The following SPTB variants were observed in gnomAD, a reference collection of about 807,000 sequenced individuals.
SPTB encodes spectrin beta, erythrocytic.
Under a neutral mutation model 256.2 loss-of-function variants are expected in SPTB, and 45 were observed. The observed-to-expected ratio is 0.18, with a 90% CI of 0.14 to 0.23. The LOEUF is 0.23. Ranked by LOEUF, SPTB falls within the 10% of genes least tolerant of loss-of-function variation. The pLI is 1.00. For synonymous variants in SPTB, 1,231 were observed against 1,243.1 expected (o/e 0.99, Z 0.21); for missense variants, 2,715 against 3,040.4 (o/e 0.89, Z 2.52).
chr14:64,801,618 C>T (rs1409265126), intron 6 of SPTB, 136 bp downstream of exon 6: 2 of 988,908 alleles, frequency 2.0e-6, no homozygotes, highest in East Asian at 2.4e-5. Flanking sequence ...AGTGAAGGTG[C>T]TATGGGCTGC....
chr14:64,750,231 TA>T (rs1353241331), intron 33 of SPTB, 77 bp from the exon 34 acceptor site: 61 of 1,429,958 alleles, frequency 4.3e-5, no homozygotes, highest in Admixed American at 9.3e-5. Flanking sequence ...GCTTCACCAT[TA>T]AAAAAAATTA....
At position 64,752,308 on chromosome 14, in the gene SPTB, C is replaced by T. The variant is rs781505891; in HGVS notation, c.6602+1229G>A. 8 of 1,275,324 alleles carry T rather than the reference C, an allele frequency of 6.3e-6. No homozygotes were observed. In the South Asian group the frequency reaches 9.8e-5, roughly 16 times the overall value. 79.0% of individuals were successfully genotyped at this position (1,275,324 alleles called of 1,614,324 possible). A position where few individuals can be genotyped will look rare whatever the true frequency, so the allele number is the denominator to read the frequency against. On this transcript the variant is annotated intron_variant, in intron 33 of 35. Coordinates refer to ENST00000644917, the MANE Select transcript of SPTB (RefSeq NM_001355436.2). ...GTCTCCCTCCTCTCCTCTCCCTCTTCTCCCTTACTTTTGAGGGCAGGAAGG... is the reference window on the plus strand; with the variant it reads ...GTCTCCCTCCTCTCCTCTCCCTCTTTTCCCTTACTTTTGAGGGCAGGAAGG...
chr14:64,850,458 C>T (rs1052269340), intron 1 of SPTB, among the ~76,000 whole-genome samples: 1 of 152,238 alleles, frequency 6.6e-6, no homozygotes, highest in Non-Finnish European at 1.5e-5. Flanking sequence ...CCTCCCATTA[C>T]ATCCAGACAG....
chr14:64,803,062 G>A (rs1015778354), intron 4 of SPTB, among the ~76,000 whole-genome samples: 14 of 152,164 alleles, frequency 9.2e-5, no homozygotes, highest in Non-Finnish European at 2.1e-4. Flanking sequence ...TAGTCCGCGA[G>A]TTGTATGCTC....
intron 1 of SPTB, among the ~76,000 whole-genome samples, chr14:64,831,703 G>T (rs1227274515): frequency 6.6e-6 from 1 of 152,220 alleles, no homozygotes; most frequent in Non-Finnish European, 1.5e-5. Flanking sequence ...GTTTACTGAG[G>T]CATTGATTGT....
Position 64,802,157 on chromosome 14 carries a change from A to G in SPTB, c.566+69T>C, listed in dbSNP as rs2082898863. On this transcript the variant is annotated intron_variant, in intron 5 of 35. Coordinates refer to ENST00000644917, the MANE Select transcript of SPTB (RefSeq NM_001355436.2). This position sits in a 1 kb window ranked among gnomAD's most constrained non-coding sequence, Gnocchi z 5.1. ...GTGATGATGTCTAATGTCCCTCTGG[A>G]GATGGCAGTGCTTGTGCGGAGCAAG... is the stretch of plus-strand genomic sequence containing the variant. 1 of 1,414,452 alleles carries G rather than the reference A, an allele frequency of 7.1e-7. No homozygotes were observed. Among genetic ancestry groups the G allele is most frequent in the Non-Finnish European group, 1.0e-6 (1 of 1,000,434 alleles). 87.6% of individuals were successfully genotyped at this position (1,414,452 alleles called of 1,614,324 possible). A position where few individuals can be genotyped will look rare whatever the true frequency, so the allele number is the denominator to read the frequency against.
chr14:64,784,220 C>T (rs569091660), intron 19 of SPTB, 27 bp downstream of exon 19: 5 of 1,613,830 alleles, frequency 3.1e-6, no homozygotes, highest in East Asian at 4.5e-5. Flanking sequence ...GCAGAGCACC[C>T]ACCCGCCGCC....
At chr14:64,765,162 G>T (rs1220373545) in intron 32 of SPTB, among the ~76,000 whole-genome samples, 3 of 152,072 alleles carry the variant, frequency 2.0e-5, no homozygotes, top group Non-Finnish European at 4.4e-5. Context: ...GGTGTGACTG[G>T]TGTACCAGAA....
Position 64,759,181 on chromosome 14 carries a change from T to G in SPTB, c.6346-5388A>C, listed in dbSNP as rs941834244. ...CAAGAATCCATGGCCCTGCTTCCTATCCACACAATGCCTCTGAAATCGGAA... is the reference window on the plus strand; with the variant it reads ...CAAGAATCCATGGCCCTGCTTCCTAGCCACACAATGCCTCTGAAATCGGAA... On this transcript the variant is annotated intron_variant, in intron 32 of 35. Transcript: ENST00000644917. The surrounding 1 kb of genome is among the most constrained non-coding windows in gnomAD (Gnocchi z 4.8). 2.0e-5 allele frequency among the ~76,000 whole-genome samples: 3 copies of G among 152,134 alleles called. No homozygotes were observed. The highest frequency in any genetic ancestry group is 4.4e-5 in the Non-Finnish European group (3 of 68,030).
chr14:64,854,842 C>T (rs1027853852), intron 1 of SPTB, among the ~76,000 whole-genome samples: 4 of 152,138 alleles, frequency 2.6e-5, no homozygotes, highest in African/African-American at 9.7e-5. Flanking sequence ...TCCTGGTGAA[C>T]AAAGTAGTAG....
chr14:64,838,377 A>G (rs2083557260), intron 1 of SPTB, among the ~76,000 whole-genome samples: 2 of 152,254 alleles, frequency 1.3e-5, no homozygotes, highest in Admixed American at 1.3e-4. Context: ...CACTAAAAGT[A>G]TAATCCATAA....
At chr14:64,783,783 G>T (rs2082514206) in intron 19 of SPTB, among the ~76,000 whole-genome samples, 1 of 152,116 alleles carries the variant, frequency 6.6e-6, no homozygotes, top group Admixed American at 6.5e-5. Flanking sequence ...ACTACAGAGG[G>T]GTCCCTTGGT....
chr14:64,782,283 C>CA lies in SPTB; in HGVS notation c.4266+6dup. On this transcript the variant is annotated splice_region_variant and intron_variant, in intron 20 of 35. Transcript: ENST00000644917. ...TAACACTCTGAGTCTACAACCCACT[C>CA]ACGTGCCTTCAGCTTAGCCAACATC... 6.2e-7 allele frequency: 1 copy of CA among 1,614,210 alleles called. No homozygotes were observed. The highest frequency in any genetic ancestry group is 8.5e-7 in the Non-Finnish European group (1 of 1,180,048).
intron 2 of SPTB, among the ~76,000 whole-genome samples, chr14:64,815,410 G>C (rs901590644): frequency 2.6e-5 from 4 of 152,196 alleles, no homozygotes; most frequent in Non-Finnish European, 5.9e-5. Flanking sequence ...GTCCTGTCTT[G>C]GCCACTTCCT....
intron 1 of SPTB, among the ~76,000 whole-genome samples, chr14:64,846,294 T>C (rs2083691572): frequency 6.6e-6 from 1 of 151,302 alleles, no homozygotes; most frequent in Non-Finnish European, 1.5e-5. Context: ...TCAGGAGGGG[T>C]AGGAGGGGCA....
At chr14:64,753,044 C>T (rs1377454561) in intron 33 of SPTB, among the ~76,000 whole-genome samples, 2 of 152,114 alleles carry the variant, frequency 1.3e-5, no homozygotes, top group Admixed American at 1.3e-4. Flanking sequence ...TAGGCCATGC[C>T]CCATCCCCAT....
In SPTB at chr14:64,786,503, G is replaced by T; in HGVS notation, c.3462C>A (p.Gly1154=). The change falls in exon 16 of 36, where the codon GGC becomes GGA. Residue 1154 remains glycine, a synonymous_variant. Transcript: ENST00000644917. This position sits in a 1 kb window ranked among gnomAD's most constrained non-coding sequence, Gnocchi z 5.6. ...TGTGGCTGCGGCTCTCCCACATCCT[G>T]CCCAGGGCATTCCAGCCAGTATCCA... is the stretch of plus-strand genomic sequence containing the variant. ...EGLDTGWNAL[G]RMWESRSHTL... is the part of the protein sequence containing the mutation. The T allele has an allele frequency of 1.2e-6, 2 of 1,614,056 alleles. No individual in the cohort carries two copies. Among genetic ancestry groups the T allele is most frequent in the Non-Finnish European group, 1.7e-6 (2 of 1,180,024 alleles).
chr14:64,749,441 GC>G lies in SPTB; in HGVS notation c.6851del (p.Ser2284ThrfsTer141). 6.2e-7 allele frequency: 1 copy of G among 1,603,224 alleles called. No individual in the cohort carries two copies. Among genetic ancestry groups the G allele is most frequent in the South Asian group, 1.1e-5 (1 of 90,994 alleles). On this transcript the variant is annotated frameshift_variant, in exon 36 of 36. Transcript: ENST00000644917. LOFTEE classifies it high-confidence loss of function. This position sits in a 1 kb window ranked among gnomAD's most constrained non-coding sequence, Gnocchi z 4.7. ...TGCTCTGGGACTCGTTGATGGCGGT[GC>G]TCACGCCCTGCAGCCAGGACAGCAT... Reference protein sequence around the residue: ...EEMLSWLQGVSTAINESQSIR... With the variant: ...EEMLSWLQGVXTAINESQSIR...
At chr14:64,776,420 T>C (rs146350159) in intron 22 of SPTB, among the ~76,000 whole-genome samples, 2 of 152,334 alleles carry the variant, frequency 1.3e-5, no homozygotes, top group East Asian at 1.9e-4. Flanking sequence ...TGAGATCTTA[T>C]GACCTCTGCA....
Sources: allele counts gnomAD v4.1 joint callset (sites outside exome capture counted in the v4.1 genomes callset), GRCh38; gene constraint gnomAD v4.1.1; non-coding constraint Gnocchi (gnomAD v3.1); transcripts MANE v1.5; gene names NCBI Gene and HGNC (gene_info 2026-07-23, HGNC 2026-07-21).